HOMER2: variants seen among roughly 807,000 people sequenced by gnomAD.
The protein encoded by HOMER2 is homer protein homolog 2.
In HOMER2, 27 loss-of-function variants were observed where a neutral mutation model predicts 47.0. The ratio of observed to expected loss-of-function variants is 0.57; its 90% confidence interval spans 0.42 to 0.79. HOMER2 has a LOEUF of 0.79. Ranked by LOEUF, HOMER2 falls within the 30% of genes least tolerant of loss-of-function variation. The pLI, the probability that HOMER2 is intolerant of heterozygous loss-of-function variation, is 0.00. For synonymous variants in HOMER2, 161 were observed against 163.8 expected (o/e 0.98, Z 0.13); for missense variants, 443 against 435.0 (o/e 1.02, Z -0.16).
chr15:82,952,817 C>A, upstream of HOMER2: 2 of 630,748 alleles, frequency 3.2e-6, no homozygotes, highest in Non-Finnish European at 4.0e-6. Context: ...CTCGTGGCCC[C>A]CGGGCCGCGG....
chr15:82,950,290 A>C (rs2054478270), intron 1 of HOMER2, among the ~76,000 whole-genome samples: 1 of 152,238 alleles, frequency 6.6e-6, no homozygotes, highest in Admixed American at 6.5e-5. Flanking sequence ...CACTTCGCAG[A>C]AGAGAAGTGG....
At chr15:82,836,775 G>A (rs757967822), downstream of HOMER2, among the ~76,000 whole-genome samples, 10 of 152,236 alleles carry the variant, frequency 6.6e-5, no homozygotes, top group Non-Finnish European at 4.4e-5. Context: ...CAGGCAGGTG[G>A]TAACGGCAGC....
chr15:82,962,811 C>G (rs1008251108), intron 1 of HOMER2, among the ~76,000 whole-genome samples: 2 of 152,102 alleles, frequency 1.3e-5, no homozygotes, highest in Non-Finnish European at 2.9e-5. Context: ...ACAGTGACAC[C>G]AATATCAGTC....
intron 6 of HOMER2, among the ~76,000 whole-genome samples, 187 bp downstream of exon 6, chr15:82,854,457 C>T (rs780160473): frequency 1.3e-5 from 2 of 151,876 alleles, no homozygotes; most frequent in East Asian, 1.9e-4. Context: ...CAATTATGTA[C>T]GTGGTTAAAT....
intron 3 of HOMER2, among the ~76,000 whole-genome samples, chr15:82,868,954 G>A (rs2052085833): frequency 6.6e-6 from 1 of 152,106 alleles, no homozygotes; most frequent in South Asian, 2.1e-4. Context: ...CCAGAGCCAT[G>A]ACAGTTTACT....
chr15:82,914,877 G>T (rs1411089173), intron 1 of HOMER2, among the ~76,000 whole-genome samples: 2 of 152,150 alleles, frequency 1.3e-5, no homozygotes, highest in Non-Finnish European at 2.9e-5. Flanking sequence ...AACCTGCAAA[G>T]GGCGTGCATT....
At chr15:82,941,438 G>A (rs1304069128) in intron 1 of HOMER2, among the ~76,000 whole-genome samples, 1 of 76,912 alleles carries the variant, frequency 1.3e-5, no homozygotes, top group Non-Finnish European at 2.2e-5. Context: ...GTGAGAGTCT[G>A]TCTCAAAAAA....
intron 1 of HOMER2, among the ~76,000 whole-genome samples, chr15:82,942,108 G>A (rs2054279114): frequency 6.6e-6 from 1 of 152,178 alleles, no homozygotes; most frequent in African/African-American, 2.4e-5. Context: ...TAGCTTGGAT[G>A]TCACCTCCTT....
At chr15:82,922,332 T>A (rs1179071039) in intron 1 of HOMER2, among the ~76,000 whole-genome samples, 1 of 152,224 alleles carries the variant, frequency 6.6e-6, no homozygotes, top group East Asian at 1.9e-4. Context: ...CTACAGGCAT[T>A]GAGGCATTAA....
intron 3 of HOMER2, among the ~76,000 whole-genome samples, chr15:82,874,006 C>A (rs2151067475): frequency 6.6e-6 from 1 of 152,328 alleles, no homozygotes; most frequent in East Asian, 1.9e-4. Context: ...CTAATTTCCC[C>A]CTCTTTGAAA....
intron 1 of HOMER2, among the ~76,000 whole-genome samples, chr15:82,969,192 T>C (rs187789710): frequency 1.3e-4 from 20 of 152,356 alleles, no homozygotes; most frequent in African/African-American, 4.6e-4. Flanking sequence ...GAAAACAGCC[T>C]ACTGCATGGC....
Position 82,852,357 on chromosome 15 carries a change from A to C in HOMER2, c.652-105T>G, listed in dbSNP as rs1350007939. The C allele has an allele frequency of 5.2e-6, 4 of 762,620 alleles. No individual in the cohort carries two copies. The East Asian group carries it at 1.1e-4, about 20-fold the overall frequency. 47.2% of individuals were successfully genotyped at this position (762,620 alleles called of 1,614,324 possible). A position where few individuals can be genotyped will look rare whatever the true frequency, so the allele number is the denominator to read the frequency against. On this transcript the variant is annotated intron_variant, in intron 6 of 8. Coordinates refer to ENST00000450735, the MANE Select transcript of HOMER2 (RefSeq NM_004839.4). ...TCTCTTTTCTTTTAAAATAAACCCTAAACTAATCCACTTATAAGATTTTCT... is the reference window on the plus strand; with the variant it reads ...TCTCTTTTCTTTTAAAATAAACCCTCAACTAATCCACTTATAAGATTTTCT...
At chr15:82,879,002 T>C (rs1433796209) in intron 2 of HOMER2, among the ~76,000 whole-genome samples, 4 of 152,244 alleles carry the variant, frequency 2.6e-5, no homozygotes, top group Non-Finnish European at 5.9e-5. Context: ...GGGTATTTTC[T>C]ATTAATCTGC....
At chr15:82,858,605 T>C (rs951547965) in intron 5 of HOMER2, among the ~76,000 whole-genome samples, 4 of 152,118 alleles carry the variant, frequency 2.6e-5, no homozygotes, top group African/African-American at 7.2e-5. Context: ...CAAGAGTCAA[T>C]GTTATAGATA....
At chr15:82,848,827 T>C (rs534561455), downstream of HOMER2, among the ~76,000 whole-genome samples, 15 of 152,210 alleles carry the variant, frequency 9.9e-5, no homozygotes, top group Middle Eastern at 3.4e-3. Flanking sequence ...CCCTTCTCCC[T>C]CCCTGCCCCA....
At chr15:82,892,643 A>G in intron 2 of HOMER2, 42 bp downstream of exon 2, 6 of 1,421,058 alleles carry the variant, frequency 4.2e-6, no homozygotes, top group Non-Finnish European at 5.6e-6. Flanking sequence ...TGGATGAAAG[A>G]TAAGCAACTG....
Position 82,982,715 on chromosome 15 carries a change from T to A in HOMER2, n.82+3072A>T, listed in dbSNP as rs751843663. On this transcript the variant is annotated intron_variant and non_coding_transcript_variant, in intron 1 of 1. Coordinates refer to the HOMER2 transcript ENST00000500334. ...TGGGTAAGTCCTCAATACTTACAAA[T>A]AATGTCAATAATAGTCACAAGGAAA... Among the ~76,000 whole-genome samples the A allele has an allele frequency of 5.3e-5, 8 of 152,328 alleles. No individual in the cohort carries two copies. In the South Asian group the frequency reaches 1.0e-3, roughly 20 times the overall value.
intron 1 of HOMER2, chr15:82,985,666 A>G (rs1455661168): frequency 6.6e-6 from 1 of 152,232 alleles, no homozygotes; most frequent in Non-Finnish European, 1.5e-5. Flanking sequence ...TTTGCTGAAC[A>G]TCCCACAAGA....
intron 1 of HOMER2, among the ~76,000 whole-genome samples, chr15:82,969,550 G>A (rs530676323): frequency 2.6e-5 from 4 of 152,220 alleles, no homozygotes; most frequent in Non-Finnish European, 5.9e-5. Flanking sequence ...CAGCCTTTGT[G>A]GGTAGGTTCA....
Sources: allele counts gnomAD v4.1 joint callset (sites outside exome capture counted in the v4.1 genomes callset), GRCh38; gene constraint gnomAD v4.1.1; transcripts MANE v1.5; gene names NCBI Gene and HGNC (gene_info 2026-07-23, HGNC 2026-07-21).